QRICH2: variants seen among roughly 807,000 people sequenced by gnomAD.
QRICH2 encodes the protein glutamine-rich protein 2.
Under a neutral mutation model 168.3 loss-of-function variants are expected in QRICH2, and 119 were observed. The ratio of observed to expected loss-of-function variants is 0.71; its 90% CI spans 0.61 to 0.82. The LOEUF (loss-of-function observed/expected upper bound fraction) is 0.82. Among genes scored for constraint, QRICH2 ranks in the 40% least tolerant of loss-of-function variants. QRICH2 has a pLI of 0.00. For synonymous variants in QRICH2, 894 were observed against 951.2 expected, an observed-to-expected ratio of 0.94 and a Z score of 1.11; for missense variants, 2,241 against 2,491.6, an observed-to-expected ratio of 0.90 and a Z score of 2.14.
At chr17:76,286,381 G>C (rs944352500) in intron 7 of QRICH2, among the ~76,000 whole-genome samples, 4 of 152,168 alleles carry the variant, frequency 2.6e-5, no homozygotes, top group Non-Finnish European at 5.9e-5. Flanking sequence ...CATGCTAAGT[G>C]AAAGAAGCCA....
At position 76,280,783 on chromosome 17, in the gene QRICH2, C is replaced by A. The variant is rs994497551; in HGVS notation, c.4386+48G>T. On this transcript the variant is annotated intron_variant, in intron 9 of 18. Transcript: ENST00000680821. The surrounding 1 kb of genome is among the most constrained non-coding windows in gnomAD (Gnocchi z 7.4). ...AGAGCCAGCAGCTGCGGGGCTAGGGCACCACATTGAGCCCCGGCCCCATCC... is the reference window on the plus strand; with the variant it reads ...AGAGCCAGCAGCTGCGGGGCTAGGGAACCACATTGAGCCCCGGCCCCATCC... 3 of 1,613,884 alleles carry A rather than the reference C, an allele frequency of 1.9e-6. No individual in the cohort carries two copies. Among genetic ancestry groups the A allele is most frequent in the Non-Finnish European group, 2.5e-6 (3 of 1,180,006 alleles).
rs1339950786 is a variant in QRICH2, at chr17:76,293,478, T to C, written c.1249A>G (p.Met417Val). 6.2e-6 allele frequency: 10 copies of C among 1,614,114 alleles called. No homozygotes were observed. The African/African-American group carries it at 1.3e-4, about 22-fold the overall frequency. The part of the protein sequence containing the change: ...TYPHGVVPLS[M>V]GQLGVPPPEM... ...GGTGGTGGCACACCAAGCTGACCCATGCTGAGGGGTACCACACCATGTGGG... is the reference window on the plus strand; with the variant it reads ...GGTGGTGGCACACCAAGCTGACCCACGCTGAGGGGTACCACACCATGTGGG... The change falls in exon 4 of 19, where the codon ATG (methionine) becomes GTG (valine). Residue 417 changes from methionine to valine, a missense_variant. By Grantham distance (21) the Met-to-Val change is conservative. Transcript: ENST00000680821.
rs753686038 is a variant in QRICH2, at chr17:76,279,133, G to A, written c.4824C>T (p.Pro1608=). The A allele has an allele frequency of 8.7e-6, 14 of 1,612,574 alleles. No individual in the cohort carries two copies. The highest frequency in any genetic ancestry group is 1.1e-5 in the Non-Finnish European group (13 of 1,179,576). The change falls in exon 14 of 19, where the codon CCC becomes CCT. Residue 1608 remains proline, a synonymous_variant. Coordinates refer to ENST00000680821, the MANE Select transcript of QRICH2 (RefSeq NM_001388453.1). ...LETPVTGHAI[P]VTPAGPGLPG... is the part of the protein sequence containing the mutation. ...GTAGGCCTGGACCCGCGGGGGTCAC[G>A]GGGATGGCACTGGGCAGGGACAGAG... is the stretch of plus-strand genomic sequence containing the variant.
At chr17:76,282,244 G>T (rs888681728) in intron 7 of QRICH2, 129 bp from the exon 8 acceptor site, 9 of 1,122,620 alleles carry the variant, frequency 8.0e-6, no homozygotes, top group African/African-American at 1.6e-5. Flanking sequence ...TGCATCCTCA[G>T]TGCCTCCCAG....
intron 3 of QRICH2, among the ~76,000 whole-genome samples, chr17:76,301,904 G>A (rs2070909662): frequency 7.5e-6 from 1 of 133,906 alleles, no homozygotes; most frequent in Non-Finnish European, 1.6e-5. Flanking sequence ...GTGTGTGTGT[G>A]TGTGTGTGTG....
intron 14 of QRICH2, among the ~76,000 whole-genome samples, 173 bp downstream of exon 14, chr17:76,278,868 C>T (rs570269324): frequency 1.2e-4 from 18 of 152,350 alleles, no homozygotes; most frequent in African/African-American, 4.1e-4. Context: ...GTTCAGAAAT[C>T]GGCCTGCGGC....
chr17:76,290,552 T>C (rs1387525655), intron 4 of QRICH2, among the ~76,000 whole-genome samples: 1 of 151,978 alleles, frequency 6.6e-6, no homozygotes, highest in Non-Finnish European at 1.5e-5. Flanking sequence ...GGCTAATTTT[T>C]TTTTTGTTTT....
chr17:76,298,708 C>T (rs914727316), intron 3 of QRICH2, among the ~76,000 whole-genome samples: 5 of 152,006 alleles, frequency 3.3e-5, no homozygotes, highest in East Asian at 3.9e-4. Flanking sequence ...CTCTGCCTCC[C>T]GGGTTCAAGC....
At chr17:76,290,769 T>G (rs747786487) in intron 4 of QRICH2, among the ~76,000 whole-genome samples, 29 of 152,122 alleles carry the variant, frequency 1.9e-4, no homozygotes, top group Non-Finnish European at 2.8e-4. Flanking sequence ...TTTCCCCCAC[T>G]GCTGTGCAGA....
rs769761129 is a variant in QRICH2, at chr17:76,291,176, C to T, written c.3551G>A (p.Arg1184His). 2.6e-5 allele frequency: 42 copies of T among 1,614,050 alleles called. 1 individual carries two copies. The highest frequency in any genetic ancestry group is 1.1e-4 in the South Asian group (10 of 91,090). The change falls in exon 4 of 19, where the codon CGT (arginine) becomes CAT (histidine). Residue 1184 changes from arginine to histidine, a missense_variant. Arg to His is a conservative substitution (Grantham distance 29). This residue lies in a region of QRICH2 where 2,047 missense variants were observed against 2,303.8 expected (regional missense o/e 0.89). Transcript: ENST00000680821. ...CGTGGGGAAACTAGAACTCATTCTA[C>T]GCAGTGAATTGCGTCGCTCACTCAG... is the stretch of plus-strand genomic sequence containing the variant. ...EVLSERRNSLRRMSSSFPTAV... is the reference protein window; with the variant it reads ...EVLSERRNSLHRMSSSFPTAV...
chr17:76,278,705 G>T (rs2070733471), intron 14 of QRICH2, among the ~76,000 whole-genome samples: 1 of 152,252 alleles, frequency 6.6e-6, no homozygotes, highest in African/African-American at 2.4e-5. Context: ...TCCCGGGGTT[G>T]CTGAGACAGC....
At chr17:76,285,999 C>T (rs796367733) in intron 7 of QRICH2, among the ~76,000 whole-genome samples, 35 of 152,042 alleles carry the variant, frequency 2.3e-4, no homozygotes, top group South Asian at 6.2e-4. Flanking sequence ...AGTGAAACCC[C>T]GTCTCTGCTA....
upstream of QRICH2, chr17:76,308,604 T>A: frequency 6.1e-6 from 3 of 495,070 alleles, no homozygotes; most frequent in Non-Finnish European, 7.9e-6. Context: ...CCTGGGGCCC[T>A]GGTCCCCTCA....
chr17:76,280,427 T>C lies in QRICH2; in HGVS notation c.4486A>G (p.Thr1496Ala). The change falls in exon 11 of 19, where the codon ACC becomes GCC. Residue 1496 changes from threonine to alanine, a missense_variant. Around this residue, in one of 3 missense-constraint regions of QRICH2, gnomAD observed 2,047 missense variants for 2,303.8 expected, o/e 0.89. Coordinates refer to ENST00000680821, the MANE Select transcript of QRICH2 (RefSeq NM_001388453.1). This position sits in a 1 kb window ranked among gnomAD's most constrained non-coding sequence, Gnocchi z 7.4. ...TCAAACTGGACACGGCTCACTTTGG[T>C]GGCCAGAGCACTCTTGTCGGCTTTC... ...DVKADKSALA[T>A]KVSRVQFDAT... is the part of the protein sequence containing the mutation. The C allele has an allele frequency of 6.2e-7, 1 of 1,614,086 alleles. No homozygotes were observed. Among genetic ancestry groups the C allele is most frequent in the South Asian group, 1.1e-5 (1 of 91,082 alleles).
intron 3 of QRICH2, among the ~76,000 whole-genome samples, chr17:76,302,993 T>G (rs1439750235): frequency 6.6e-6 from 1 of 151,988 alleles, no homozygotes; most frequent in Non-Finnish European, 1.5e-5. Context: ...AAGCGATTCT[T>G]CTGCCTCAGT....
rs1380292998 is a variant in QRICH2 at position 76,292,638 on chromosome 17, G to T, written c.2089C>A (p.Gln697Lys). 7 of 1,614,000 alleles carry T rather than the reference G, an allele frequency of 4.3e-6. No homozygotes were observed. Among genetic ancestry groups the T allele is most frequent in the Middle Eastern group, 1.6e-4 (1 of 6,084 alleles). The change falls in exon 4 of 19, where the codon CAG becomes AAG. Residue 697 changes from glutamine (Q) to lysine (K), a missense_variant. By Grantham distance (53) the Gln-to-Lys change is moderately conservative (BLOSUM62 1). This residue lies in a region of QRICH2 where 2,047 missense variants were observed against 2,303.8 expected (regional missense o/e 0.89). Transcript: ENST00000680821. ...QPGLVQPGAD[Q>K]IDVVQPGADQ... ...GCACCAGGTTGCACCACATCAATCTGATCTGCACCAGGTTGGACCAAGCCA... is the reference window on the plus strand; with the variant it reads ...GCACCAGGTTGCACCACATCAATCTTATCTGCACCAGGTTGGACCAAGCCA...
intron 5 of QRICH2, among the ~76,000 whole-genome samples, chr17:76,288,981 G>A (rs1305579678): frequency 6.6e-6 from 1 of 151,828 alleles, no homozygotes; most frequent in Non-Finnish European, 1.5e-5. Flanking sequence ...GCGAGCACCT[G>A]TAGTCCCAGC....
chr17:76,280,839 C>T lies in QRICH2; in HGVS notation c.4378G>A (p.Asp1460Asn), dbSNP rs763938431. ...ACCCTGCGGCCGCTCACAGCAATGT[C>T]CTTCTGTTTCTGCCGATGGTCCTCG... The part of the protein sequence containing the change: ...LIEDHRQKQK[D>N]IAMLYQGLEK... Residue 1460 changes from aspartate to asparagine, a missense_variant, in exon 9 of 19, where the codon GAC becomes AAC. Around this residue, in one of 3 missense-constraint regions of QRICH2, gnomAD observed 2,047 missense variants for 2,303.8 expected, o/e 0.89. Coordinates refer to ENST00000680821, the MANE Select transcript of QRICH2 (RefSeq NM_001388453.1). The surrounding 1 kb of genome is among the most constrained non-coding windows in gnomAD (Gnocchi z 7.4). The T allele has an allele frequency of 6.2e-6, 10 of 1,614,014 alleles. No individual in the cohort carries two copies. In the South Asian group the frequency reaches 8.8e-5, roughly 14 times the overall value.
At position 76,291,843 on chromosome 17, in the gene QRICH2, C is replaced by A. The variant is rs199956022; in HGVS notation, c.2884G>T (p.Val962Leu). The A allele has an allele frequency of 6.2e-7, 1 of 1,614,048 alleles. No homozygotes were observed. The highest frequency in any genetic ancestry group is 1.3e-5 in the African/African-American group (1 of 74,920). ...CCATACTGATCCATTCCTGGCTGCACCAGACCACGTGGATATGTCCCAGAT... is the reference window on the plus strand; with the variant it reads ...CCATACTGATCCATTCCTGGCTGCAACAGACCACGTGGATATGTCCCAGAT... Reference protein sequence around the residue: ...SQSGTYPRGLVQPGMDQYGLR... With the variant: ...SQSGTYPRGLLQPGMDQYGLR... The change falls in exon 4 of 19, where the codon GTG becomes TTG. Residue 962 changes from valine (V) to leucine (L), a missense_variant. Physicochemically the swap from Val to Leu is conservative, Grantham distance 32. This residue lies in a region of QRICH2 where 2,047 missense variants were observed against 2,303.8 expected (regional missense o/e 0.89). Transcript: ENST00000680821.
Sources: allele counts gnomAD v4.1 joint callset (sites outside exome capture counted in the v4.1 genomes callset), GRCh38; gene constraint gnomAD v4.1.1; regional missense constraint gnomAD v4.1.1; non-coding constraint Gnocchi (gnomAD v3.1); transcripts MANE v1.5; gene names NCBI Gene and HGNC (gene_info 2026-07-23, HGNC 2026-07-21).